Variants in EFCAB6 observed in about 807,000 individuals in gnomAD.
The protein encoded by EFCAB6 is EF-hand calcium binding domain 6.
EFCAB6 carries 156 observed loss-of-function variants against 169.8 expected under a neutral mutation model. The ratio of observed to expected loss-of-function variants is 0.92; its 90% CI spans 0.81 to 1.05. The LOEUF (loss-of-function observed/expected upper bound fraction) is 1.05, where lower values mean the gene tolerates loss of function less well. Among genes scored for constraint, EFCAB6 ranks in the 50% least tolerant of loss-of-function variants. The probability of loss-of-function intolerance (pLI) is 0.00; values close to 1 mark genes in which losing one functional copy is unlikely to be tolerated. For missense variants in EFCAB6, 1,800 were observed against 1,829.1 expected (o/e 0.98, Z 0.29); for synonymous variants, 698 against 676.4 (o/e 1.03, Z -0.50).
intron 6 of EFCAB6, among the ~76,000 whole-genome samples, chr22:43,752,348 C>T (rs1208547106): frequency 6.6e-6 from 1 of 152,126 alleles, no homozygotes; most frequent in Non-Finnish European, 1.5e-5. Flanking sequence ...AAACTCCTGA[C>T]CTCAGGTGAT....
At chr22:43,722,322 C>A (rs766789592) in intron 8 of EFCAB6, among the ~76,000 whole-genome samples, 2 of 151,476 alleles carry the variant, frequency 1.3e-5, no homozygotes, top group Non-Finnish European at 2.9e-5. Context: ...GTCAAGAGAT[C>A]GAGACCATCC....
intron 27 of EFCAB6, 66 bp downstream of exon 27, chr22:43,554,803 T>A: frequency 2.9e-6 from 4 of 1,382,114 alleles, no homozygotes; most frequent in Non-Finnish European, 4.1e-6. Context: ...CTGTACATTC[T>A]GGCCAGGGAC....
At chr22:43,660,823 A>G (rs2040400) in intron 17 of EFCAB6, among the ~76,000 whole-genome samples, 51,260 of 152,104 alleles carry the variant, frequency 0.34, 9,089 homozygotes, top group East Asian at 0.64. Flanking sequence ...GCTAAAAGCA[A>G]CCAGGGTGTC....
chr22:43,610,719 A>G (rs1345373237), intron 21 of EFCAB6, among the ~76,000 whole-genome samples: 1 of 152,184 alleles, frequency 6.6e-6, no homozygotes, highest in Non-Finnish European at 1.5e-5. Flanking sequence ...TTCATTGTAG[A>G]GTCATAACTT....
chr22:43,677,359 T>C (rs929003848), intron 13 of EFCAB6, among the ~76,000 whole-genome samples: 8 of 152,088 alleles, frequency 5.3e-5, no homozygotes, highest in Non-Finnish European at 1.0e-4. Flanking sequence ...TTCAAAGACA[T>C]GGCTGTGGCC....
intron 2 of EFCAB6, among the ~76,000 whole-genome samples, chr22:43,793,613 G>C (rs905411033): frequency 1.3e-5 from 2 of 152,144 alleles, no homozygotes; most frequent in African/African-American, 4.8e-5. Flanking sequence ...GAAAGAACAA[G>C]GCATCCCCGC....
At chr22:43,531,176 G>A (rs1300147509) in intron 30 of EFCAB6, among the ~76,000 whole-genome samples, 4 of 152,156 alleles carry the variant, frequency 2.6e-5, no homozygotes, top group Admixed American at 2.0e-4. Context: ...GTTTAAAAAC[G>A]TGTATTACAT....
rs1321659838 is a variant in EFCAB6, at chr22:43,554,853, G to A, written c.3648+16C>T. 4.3e-6 allele frequency: 7 copies of A among 1,612,022 alleles called. No homozygotes were observed. The highest frequency in any genetic ancestry group is 5.9e-6 in the Non-Finnish European group (7 of 1,178,176). Reference sequence around the variant, plus strand: ...GCCAACGGTGTGCAGGGTGAGGACTGACTGGCGTTTCTTACCTGTTCGTCC... The same window carrying A: ...GCCAACGGTGTGCAGGGTGAGGACTAACTGGCGTTTCTTACCTGTTCGTCC... On this transcript the variant is annotated intron_variant, in intron 27 of 31. Transcript: ENST00000262726.
At chr22:43,701,727 TAA>T (rs60568189) in intron 10 of EFCAB6, among the ~76,000 whole-genome samples, 8 of 97,386 alleles carry the variant, frequency 8.2e-5, no homozygotes, top group Admixed American at 2.1e-4. Flanking sequence ...TTTTAAACAA[TAA>T]AAAAAAAAAA....
chr22:43,810,283 G>C (rs764328208), intron 1 of EFCAB6, among the ~76,000 whole-genome samples: 1 of 152,204 alleles, frequency 6.6e-6, no homozygotes, highest in Non-Finnish European at 1.5e-5. Flanking sequence ...GCCAGTAGTA[G>C]TATTAGTAGT....
intron 26 of EFCAB6, among the ~76,000 whole-genome samples, chr22:43,575,888 A>C (rs1168962088): frequency 1.3e-5 from 2 of 152,160 alleles, no homozygotes; most frequent in African/African-American, 4.8e-5. Context: ...TATACAAAGG[A>C]CTAGAAATAG....
intron 1 of EFCAB6, among the ~76,000 whole-genome samples, chr22:43,811,706 C>T (rs2063136820): frequency 6.6e-6 from 1 of 152,090 alleles, no homozygotes; most frequent in African/African-American, 2.4e-5. Context: ...TTGGAAAAGC[C>T]CCTTCACCCC....
chr22:43,537,690 G>T lies in EFCAB6; in HGVS notation c.3880-145C>A. The T allele has an allele frequency of 9.8e-7, 1 of 1,025,376 alleles. No individual in the cohort carries two copies. The highest frequency in any genetic ancestry group is 1.4e-6 in the Non-Finnish European group (1 of 732,936). The allele number at this position is 1,025,376 out of a possible 1,614,324, so 63.5% of individuals were successfully genotyped here. On this transcript the variant is annotated intron_variant, in intron 28 of 31. Coordinates refer to ENST00000262726, the MANE Select transcript of EFCAB6 (RefSeq NM_022785.4). This position sits in a 1 kb window ranked among gnomAD's most constrained non-coding sequence, Gnocchi z 4.3. ...ATAAAATGAAGAATAAAACATAGATGGTGATTTTACAATGTAGCTTTTATT... is the reference window on the plus strand; with the variant it reads ...ATAAAATGAAGAATAAAACATAGATTGTGATTTTACAATGTAGCTTTTATT...
At chr22:43,803,227 C>A (rs972347622) in intron 2 of EFCAB6, among the ~76,000 whole-genome samples, 1 of 152,090 alleles carries the variant, frequency 6.6e-6, no homozygotes, top group Non-Finnish European at 1.5e-5. Flanking sequence ...GAGATGGTGC[C>A]CCTCAAAAGA....
intron 7 of EFCAB6, among the ~76,000 whole-genome samples, chr22:43,734,108 A>G (rs2147650086): frequency 6.6e-6 from 1 of 152,308 alleles, no homozygotes; most frequent in Non-Finnish European, 1.5e-5. Flanking sequence ...CACCTCCAGC[A>G]GCCTGACTTC....
chr22:43,587,107 G>C (rs2051128111), intron 24 of EFCAB6, among the ~76,000 whole-genome samples: 1 of 152,180 alleles, frequency 6.6e-6, no homozygotes, highest in Non-Finnish European at 1.5e-5. Context: ...GGAGCTAAAG[G>C]AGGAGTTAAA....
intron 4 of EFCAB6, among the ~76,000 whole-genome samples, chr22:43,772,599 C>T (rs989784925): frequency 3.4e-5 from 5 of 148,734 alleles, no homozygotes; most frequent in Admixed American, 6.7e-5. Flanking sequence ...CAAGATCACA[C>T]CATTGCACTC....
chr22:43,582,949 G>A (rs1479202413), intron 24 of EFCAB6, among the ~76,000 whole-genome samples: 1 of 152,058 alleles, frequency 6.6e-6, no homozygotes, highest in Non-Finnish European at 1.5e-5. Flanking sequence ...ATGCCCCAAG[G>A]TTTACCTCTG....
chr22:43,749,757 C>T (rs1464792339), intron 6 of EFCAB6, among the ~76,000 whole-genome samples: 1 of 152,172 alleles, frequency 6.6e-6, no homozygotes, highest in Non-Finnish European at 1.5e-5. Flanking sequence ...CGCATGCCAT[C>T]CTTTAACTTC....
Sources: gnomAD v4.1 joint callset for allele counts (sites outside exome capture counted in the v4.1 genomes callset) on GRCh38, gnomAD v4.1.1 for gene constraint, Gnocchi (gnomAD v3.1) non-coding constraint, MANE v1.5 for transcripts, NCBI Gene and HGNC (gene_info 2026-07-23, HGNC 2026-07-21) for gene names.